KISS1R: variants seen among roughly 807,000 people sequenced by gnomAD.
The protein encoded by KISS1R is KISS1 receptor.
A neutral mutation model predicts 22.0 loss-of-function variants in KISS1R; 19 were observed. The observed-to-expected ratio is 0.86, with a 90% confidence interval of 0.60 to 1.26. KISS1R has a LOEUF of 1.26. KISS1R is among the 50% of genes most tolerant of loss of function. KISS1R has a pLI of 0.00. For missense variants in KISS1R, 653 were observed against 581.9 expected, an observed-to-expected ratio of 1.12 and a Z score of -1.26; for synonymous variants, 302 against 283.9, an observed-to-expected ratio of 1.06 and a Z score of -0.64.
At chr19:920,158 G>T in intron 4 of KISS1R, 52 bp downstream of exon 4, 1 of 1,476,216 alleles carries the variant, frequency 6.8e-7, no homozygotes, top group East Asian at 2.6e-5. Flanking sequence ...GGGAGGCACC[G>T]TGGTGGGAGG....
Position 918,402 on chromosome 19 carries a change from C to T in KISS1R, c.245-142C>T, listed in dbSNP as rs534433798. On this transcript the variant is annotated intron_variant, in intron 1 of 4. Coordinates refer to ENST00000234371, the MANE Select transcript of KISS1R (RefSeq NM_032551.5). ...CTTCTCCGCCCGAGGAGGCCAGGGGCGCTGGGGGAGGGGGGGGCCTCCCTG... is the reference window on the plus strand; with the variant it reads ...CTTCTCCGCCCGAGGAGGCCAGGGGTGCTGGGGGAGGGGGGGGCCTCCCTG... The T allele has an allele frequency of 3.3e-3, 2,940 of 901,076 alleles. 61 individuals carry two copies. In the African/African-American group the frequency reaches 0.082, roughly 25 times the overall value. The allele number at this position is 901,076 out of a possible 1,614,324, so 55.8% of individuals were successfully genotyped here. A position where few individuals can be genotyped will look rare whatever the true frequency, so the allele number is the denominator to read the frequency against.
chr19:918,395 C>A, intron 1 of KISS1R, 149 bp from the exon 2 acceptor site: 1 of 917,656 alleles, frequency 1.1e-6, no homozygotes, highest in Non-Finnish European at 1.5e-6. Context: ...CCCGAGGAGG[C>A]CAGGGGCGCT....
At position 919,923 on chromosome 19, in the gene KISS1R, C is replaced by T; in HGVS notation, c.555C>T (p.Pro185=). The part of the protein sequence containing the change: ...APVLALHRLS[P]GPRAYCSEAF... ...TGCTCGCCCTGCACCGCCTGTCACC[C>T]GGGCCGCGCGCCTACTGCAGTGAGG... is the stretch of plus-strand genomic sequence containing the variant. The change falls in exon 4 of 5, where the codon CCC becomes CCT. Residue 185 remains proline, a synonymous_variant. Coordinates refer to ENST00000234371, the MANE Select transcript of KISS1R (RefSeq NM_032551.5). The T allele has an allele frequency of 6.4e-7, 1 of 1,557,670 alleles. No homozygotes were observed. The highest frequency in any genetic ancestry group is 8.7e-7 in the Non-Finnish European group (1 of 1,155,410).
intron 3 of KISS1R, 21 bp downstream of exon 3, chr19:919,646 T>A: frequency 6.5e-7 from 1 of 1,544,658 alleles, no homozygotes. Context: ...CTCAGGGGCC[T>A]CACGGGAGAA....
chr19:919,630 G>A lies in KISS1R; in HGVS notation c.505+5G>A, dbSNP rs1400601873. On this transcript the variant is annotated splice_donor_5th_base_variant and intron_variant, in intron 3 of 4. Transcript: ENST00000234371. Reference sequence around the variant, plus strand: ...TCAGCCTCAGCATCTGGGTAGGTGAGTACAGCTCAGGGGCCTCACGGGAGA... The same window carrying A: ...TCAGCCTCAGCATCTGGGTAGGTGAATACAGCTCAGGGGCCTCACGGGAGA... 6.5e-7 allele frequency: 1 copy of A among 1,549,068 alleles called. No individual in the cohort carries two copies. The highest frequency in any genetic ancestry group is 1.4e-5 in the African/African-American group (1 of 73,560).
rs1305055437 is a variant in KISS1R at position 919,381 on chromosome 19, C to G, written c.370-109C>G. 1.8e-5 allele frequency: 26 copies of G among 1,450,304 alleles called. No homozygotes were observed. The South Asian group carries it at 2.1e-4, about 12-fold the overall frequency. 89.8% of individuals were successfully genotyped at this position (1,450,304 alleles called of 1,614,324 possible). A position where few individuals can be genotyped will look rare whatever the true frequency, so the allele number is the denominator to read the frequency against. On this transcript the variant is annotated intron_variant, in intron 2 of 4. Coordinates refer to ENST00000234371, the MANE Select transcript of KISS1R (RefSeq NM_032551.5). The stretch of plus-strand genomic sequence containing the variant: ...TGGACACTCCTCCCAGGACACTTCC[C>G]GTGTATGTGCCTGAGTGTTCGCACA...
rs1367314597 is a variant in KISS1R at position 918,680 on chromosome 19, A to G, written c.369+12A>G. 1 of 1,543,564 alleles carries G rather than the reference A, an allele frequency of 6.5e-7. No individual in the cohort carries two copies. The stretch of plus-strand genomic sequence containing the variant: ...ACTACATCCAGCAGGTGCGCTCCGG[A>G]GCAGGAGGGGAGAGGGCGCACTTGG... On this transcript the variant is annotated intron_variant, in intron 2 of 4. Coordinates refer to ENST00000234371, the MANE Select transcript of KISS1R (RefSeq NM_032551.5).
Position 920,601 on chromosome 19 carries a change from G to A in KISS1R, c.1050G>A (p.Arg350=), listed in dbSNP as rs766137332. Residue 350 remains arginine (R), a synonymous_variant, in exon 5 of 5, where the codon CGG becomes CGA. Coordinates refer to ENST00000234371, the MANE Select transcript of KISS1R (RefSeq NM_032551.5). ...CAPRRPRRPR[R]PGPSDPAAPH... is the part of the protein sequence containing the mutation. The stretch of plus-strand genomic sequence containing the variant: ...CGCGCCGCCCCCGCCGCCCCCGCCG[G>A]CCCGGACCCTCGGACCCCGCAGCCC... 2.8e-6 allele frequency: 4 copies of A among 1,432,982 alleles called. No homozygotes were observed. Among genetic ancestry groups the A allele is most frequent in the South Asian group, 3.0e-5 (2 of 67,026 alleles). 88.8% of individuals were successfully genotyped at this position (1,432,982 alleles called of 1,614,324 possible).
Position 918,590 on chromosome 19 carries a change from C to A in KISS1R, c.291C>A (p.Pro97=). 1 of 1,551,620 alleles carries A rather than the reference C, an allele frequency of 6.4e-7. No individual in the cohort carries two copies. Among genetic ancestry groups the A allele is most frequent in the African/African-American group, 1.4e-5 (1 of 73,278 alleles). Residue 97 remains proline (P), a synonymous_variant, in exon 2 of 5, where the codon CCC becomes CCA. Transcript: ENST00000234371. The part of the protein sequence containing the change: ...TDVTFLLCCV[P]FTALLYPLPG... ...TGACCTTCCTCCTGTGCTGCGTCCC[C>A]TTCACGGCCCTGCTGTACCCGCTGC... is the stretch of plus-strand genomic sequence containing the variant.
rs867964707 is a variant in KISS1R at position 920,725 on chromosome 19, G to T, written c.1174G>T (p.Gly392Trp). 7.7e-7 allele frequency: 1 copy of T among 1,298,012 alleles called. No homozygotes were observed. Among genetic ancestry groups the T allele is most frequent in the East Asian group, 2.9e-5 (1 of 34,346 alleles). The allele number at this position is 1,298,012 out of a possible 1,614,324, so 80.4% of individuals were successfully genotyped here. ...GGCCGCGCGCGGGCTGTGCGTCCTGGGGGAGGACAACGCCCCTCTCTGAGC... is the reference window on the plus strand; with the variant it reads ...GGCCGCGCGCGGGCTGTGCGTCCTGTGGGAGGACAACGCCCCTCTCTGAGC... ...GLAARGLCVL[G>W]EDNAPL Residue 392 changes from glycine (G) to tryptophan (W), a missense_variant, in exon 5 of 5, where the codon GGG becomes TGG. Physicochemically the swap from Gly to Trp is radical, Grantham distance 184. Coordinates refer to ENST00000234371, the MANE Select transcript of KISS1R (RefSeq NM_032551.5).
Position 919,437 on chromosome 19 carries a change from G to A in KISS1R, c.370-53G>A, listed in dbSNP as rs116275294. 4,001 of 1,535,796 alleles carry A rather than the reference G, an allele frequency of 2.6e-3. 81 individuals carry two copies. The African/African-American group carries it at 0.048, about 18-fold the overall frequency. ...GGGGATCAGCAGGGCGGGCGGACAG[G>A]GCAGGCTCCCAACCGCGCAGGTGGC... On this transcript the variant is annotated intron_variant, in intron 2 of 4. Coordinates refer to ENST00000234371, the MANE Select transcript of KISS1R (RefSeq NM_032551.5).
rs2037107001 is a variant in KISS1R at position 920,332 on chromosome 19, G to C, written c.781G>C (p.Val261Leu). The C allele has an allele frequency of 1.3e-6, 2 of 1,563,816 alleles. No individual in the cohort carries two copies. The highest frequency in any genetic ancestry group is 1.8e-5 in the Admixed American group (1 of 55,288). The part of the protein sequence containing the change: ...AERAGAVRAK[V>L]SRLVAAVVLL... ...GCGCGCAGGCGCCGTGCGGGCCAAG[G>C]TCTCGCGGCTGGTGGCGGCCGTGGT... The change falls in exon 5 of 5, where the codon GTC becomes CTC. Residue 261 changes from valine to leucine, a missense_variant. Physicochemically the swap from Val to Leu is conservative, Grantham distance 32. Coordinates refer to ENST00000234371, the MANE Select transcript of KISS1R (RefSeq NM_032551.5).
Position 920,775 on chromosome 19 carries a change from TC to T in KISS1R, c.*30del. The T allele has an allele frequency of 1.6e-6, 2 of 1,261,982 alleles. No homozygotes were observed. The highest frequency in any genetic ancestry group is 3.0e-5 in the East Asian group (1 of 33,338). The allele number at this position is 1,261,982 out of a possible 1,614,324, so 78.2% of individuals were successfully genotyped here. A position where few individuals can be genotyped will look rare whatever the true frequency, so the allele number is the denominator to read the frequency against. On this transcript the variant is annotated 3_prime_UTR_variant, in exon 5 of 5. Transcript: ENST00000234371. ...CGGACCCGGTGGGAATCCGAGCGGC[TC>T]CCTCGGGAGCGGGGACTGCTGGAAC...
At position 920,571 on chromosome 19, in the gene KISS1R, C is replaced by T; in HGVS notation, c.1020C>T (p.Cys340=). Reference sequence around the variant, plus strand: ...AGGCCTTCCGCCGCGTCTGCCCCTGCGCGCCGCGCCGCCCCCGCCGCCCCC... The same window carrying T: ...AGGCCTTCCGCCGCGTCTGCCCCTGTGCGCCGCGCCGCCCCCGCCGCCCCC... ...FRQAFRRVCP[C]APRRPRRPRR... is the part of the protein sequence containing the mutation. Residue 340 remains cysteine (C), a synonymous_variant, in exon 5 of 5, where the codon TGC becomes TGT. Coordinates refer to ENST00000234371, the MANE Select transcript of KISS1R (RefSeq NM_032551.5). The T allele has an allele frequency of 6.6e-7, 1 of 1,526,224 alleles. No homozygotes were observed. The highest frequency in any genetic ancestry group is 1.2e-5 in the South Asian group (1 of 81,312). The allele number at this position is 1,526,224 out of a possible 1,614,324, so 94.5% of individuals were successfully genotyped here. A position where few individuals can be genotyped will look rare whatever the true frequency, so the allele number is the denominator to read the frequency against.
rs2037102396 is a variant in KISS1R at position 920,031 on chromosome 19, C to A, written c.663C>A (p.Cys221Ter). 1.3e-6 allele frequency: 2 copies of A among 1,540,004 alleles called. No individual in the cohort carries two copies. Among genetic ancestry groups the A allele is most frequent in the Non-Finnish European group, 8.7e-7 (1 of 1,146,434 alleles). Residue 221 changes from cysteine (C) to a stop codon, truncating the protein, a stop_gained, in exon 4 of 5, where the codon TGC becomes TGA. Transcript: ENST00000234371. LOFTEE classifies it high-confidence loss of function. ...ALYLLPLLATCACYAAMLRHL... is the reference protein window; with the variant it reads ...ALYLLPLLAT ...ACCTGCTGCCGCTGCTCGCCACCTG[C>A]GCCTGCTATGCGGCCATGCTGCGCC...
At position 918,560 on chromosome 19, in the gene KISS1R, G is replaced by C. The variant is rs1351947935; in HGVS notation, c.261G>C (p.Thr87=). 4 of 1,550,590 alleles carry C rather than the reference G, an allele frequency of 2.6e-6. No homozygotes were observed. Among genetic ancestry groups the C allele is most frequent in the Non-Finnish European group, 3.5e-6 (4 of 1,147,300 alleles). Residue 87 remains threonine, a synonymous_variant, in exon 2 of 5, where the codon ACG becomes ACC. Transcript: ENST00000234371. ...CCACCGCAGCCAACCTGGCGGCCACGGACGTGACCTTCCTCCTGTGCTGCG... is the reference window on the plus strand; with the variant it reads ...CCACCGCAGCCAACCTGGCGGCCACCGACGTGACCTTCCTCCTGTGCTGCG... ...TNFYIANLAA[T]DVTFLLCCVP...
chr19:918,749 A>T, intron 2 of KISS1R, 81 bp downstream of exon 2: 1 of 1,190,514 alleles, frequency 8.4e-7, no homozygotes, highest in Non-Finnish European at 1.1e-6. Flanking sequence ...GAGGGGACGC[A>T]CTTGGGGACA....
intron 1 of KISS1R, 100 bp downstream of exon 1, chr19:917,846 C>T (rs2037071393): frequency 2.1e-6 from 3 of 1,395,494 alleles, no homozygotes; most frequent in Non-Finnish European, 2.9e-6. Flanking sequence ...CCCTCTCGGA[C>T]CCGGCTCTGT....
chr19:917,525 G>T lies in KISS1R; in HGVS notation c.23G>T (p.Gly8Val). Residue 8 changes from glycine (G) to valine (V), a missense_variant, in exon 1 of 5, where the codon GGA becomes GTA. Physicochemically the swap from Gly to Val is moderately radical, Grantham distance 109 (BLOSUM62 -3). Coordinates refer to ENST00000234371, the MANE Select transcript of KISS1R (RefSeq NM_032551.5). MHTVATS[G>V]PNASWGAPAN... ...GCCATGCACACCGTGGCTACGTCCG[G>T]ACCCAACGCGTCCTGGGGGGCACCG... 1 of 1,504,916 alleles carries T rather than the reference G, an allele frequency of 6.6e-7. No homozygotes were observed. Among genetic ancestry groups the T allele is most frequent in the South Asian group, 1.3e-5 (1 of 79,530 alleles). The allele number at this position is 1,504,916 out of a possible 1,614,324, so 93.2% of individuals were successfully genotyped here. A position where few individuals can be genotyped will look rare whatever the true frequency, so the allele number is the denominator to read the frequency against.
Sources: allele counts gnomAD v4.1 joint callset, GRCh38; gene constraint gnomAD v4.1.1; transcripts MANE v1.5; gene names NCBI Gene and HGNC (gene_info 2026-07-23, HGNC 2026-07-21).